The following IKZF3 variants were observed in gnomAD, a reference collection of about 807,000 sequenced individuals.
IKZF3 encodes the protein IKAROS family zinc finger 3, also known as zinc finger protein Aiolos.
IKZF3 carries 10 observed loss-of-function variants against 49.0 expected under a neutral mutation model. The observed-to-expected ratio is 0.20, with a 90% CI of 0.13 to 0.35. The LOEUF (loss-of-function observed/expected upper bound fraction) is 0.35, where lower values mean the gene tolerates loss of function less well. Among genes scored for constraint, IKZF3 ranks in the 10% least tolerant of loss-of-function variants. The pLI, the probability that IKZF3 is intolerant of heterozygous loss-of-function variation, is 1.00. For synonymous variants in IKZF3, 209 were observed against 228.2 expected (o/e 0.92, Z 0.76); for missense variants, 498 against 664.8 (o/e 0.75, Z 2.76).
chr17:39,770,998 T>A (rs181648550), intron 7 of IKZF3, among the ~76,000 whole-genome samples: 1 of 152,118 alleles, frequency 6.6e-6, no homozygotes, highest in Non-Finnish European at 1.5e-5. Context: ...TTTTAAGGTA[T>A]GAATTATCAT....
At chr17:39,861,898 GTAA>G (rs1343107597) in intron 1 of IKZF3, among the ~76,000 whole-genome samples, 2 of 152,086 alleles carry the variant, frequency 1.3e-5, no homozygotes, top group Non-Finnish European at 2.9e-5. Context: ...AGGGAGCTGT[GTAA>G]TAAATATACT....
chr17:39,782,975 T>A lies in IKZF3; in HGVS notation c.710-5208A>T, dbSNP rs144884373. ...TTAGGTTACTACTACCTTTATTCCC[T>A]GTATAAGTCTTAATATTTGGTTTTA... On this transcript the variant is annotated intron_variant, in intron 6 of 7. Coordinates refer to ENST00000346872, the MANE Select transcript of IKZF3 (RefSeq NM_012481.5). 3.4e-3 allele frequency among the ~76,000 whole-genome samples: 515 copies of A among 152,352 alleles called. 3 individuals are homozygous for A. The highest frequency in any genetic ancestry group is 0.012 in the African/African-American group (500 of 41,580).
chr17:39,849,275 A>C (rs565046103), intron 1 of IKZF3, among the ~76,000 whole-genome samples: 3 of 150,128 alleles, frequency 2.0e-5, no homozygotes, highest in African/African-American at 7.4e-5. Context: ...CTCTACTAAA[A>C]CAATACAAAA....
chr17:39,855,398 A>C (rs1203197864), intron 1 of IKZF3, among the ~76,000 whole-genome samples: 1 of 152,214 alleles, frequency 6.6e-6, no homozygotes. Flanking sequence ...AATTCCTAAT[A>C]TCAACTTGTT....
At chr17:39,782,786 C>A (rs2060777465) in intron 6 of IKZF3, among the ~76,000 whole-genome samples, 2 of 152,182 alleles carry the variant, frequency 1.3e-5, no homozygotes, top group South Asian at 4.1e-4. Flanking sequence ...TTTGCACATT[C>A]AGCTCATGAG....
chr17:39,774,422 AGAGGTGAGGT>A (rs1396028902), intron 7 of IKZF3, among the ~76,000 whole-genome samples: 3 of 151,978 alleles, frequency 2.0e-5, no homozygotes, highest in Non-Finnish European at 2.9e-5. Context: ...ACAAGAGAGG[AGAGGTGAGGT>A]GAGGCGAGGC....
chr17:39,826,153 C>A (rs982882419), intron 3 of IKZF3, among the ~76,000 whole-genome samples: 11 of 152,202 alleles, frequency 7.2e-5, no homozygotes, highest in Non-Finnish European at 1.3e-4. Flanking sequence ...AACGATCCTA[C>A]CACCTCAGTC....
intron 7 of IKZF3, among the ~76,000 whole-genome samples, chr17:39,767,692 T>A (rs1159076095): frequency 6.6e-6 from 1 of 152,164 alleles, no homozygotes; most frequent in African/African-American, 2.4e-5. Context: ...GAAGAACCAG[T>A]TCCTGTTCTT....
chr17:39,847,287 T>A (rs1225400227), intron 1 of IKZF3, among the ~76,000 whole-genome samples: 1 of 152,096 alleles, frequency 6.6e-6, no homozygotes, highest in Non-Finnish European at 1.5e-5. Context: ...ATGATCCCTA[T>A]AACCGATGAA....
chr17:39,802,547 C>T (rs1252227235), intron 3 of IKZF3, among the ~76,000 whole-genome samples: 2 of 149,706 alleles, frequency 1.3e-5, no homozygotes, highest in Admixed American at 6.7e-5. Context: ...GTCAAGGCTG[C>T]AGTGAGCTGT....
At chr17:39,828,830 T>C (rs1432951824) in intron 3 of IKZF3, among the ~76,000 whole-genome samples, 2 of 151,976 alleles carry the variant, frequency 1.3e-5, no homozygotes, top group Non-Finnish European at 2.9e-5. Context: ...AAACTCCGTC[T>C]CTATTAAAAA....
At chr17:39,834,538 G>A (rs150007818) in intron 1 of IKZF3, among the ~76,000 whole-genome samples, 67 of 152,194 alleles carry the variant, frequency 4.4e-4, no homozygotes, top group African/African-American at 1.5e-3. Flanking sequence ...GGGGGAATTC[G>A]GGAATTCTTT....
intron 2 of IKZF3, among the ~76,000 whole-genome samples, chr17:39,830,516 A>C (rs1349015438): frequency 1.3e-5 from 2 of 152,240 alleles, no homozygotes; most frequent in African/African-American, 4.8e-5. Flanking sequence ...ATGCTTAAAC[A>C]AACAGCAAAC....
intron 3 of IKZF3, among the ~76,000 whole-genome samples, chr17:39,812,775 G>A (rs116794569): frequency 3.3e-5 from 5 of 152,282 alleles, no homozygotes; most frequent in African/African-American, 1.2e-4. Context: ...GCTGGAAGGA[G>A]GCACCAACAC....
chr17:39,855,997 T>C lies in IKZF3; in HGVS notation c.7+8123A>G, dbSNP rs149817330. ...TGTACAATATAACATGTATATTGTA[T>C]ATGTACAATATAACATGTATATTGT... On this transcript the variant is annotated intron_variant, in intron 1 of 7. Coordinates refer to ENST00000346872, the MANE Select transcript of IKZF3 (RefSeq NM_012481.5). 1.9e-3 allele frequency among the ~76,000 whole-genome samples: 285 copies of C among 150,450 alleles called. 2 individuals carry two copies. The highest frequency in any genetic ancestry group is 5.9e-3 in the African/African-American group (240 of 40,588).
At chr17:39,827,217 G>A (rs540998776) in intron 3 of IKZF3, among the ~76,000 whole-genome samples, 1 of 151,944 alleles carries the variant, frequency 6.6e-6, no homozygotes, top group East Asian at 1.9e-4. Flanking sequence ...GGCTGGTCTC[G>A]AACTCCCAAC....
At chr17:39,783,422 A>G (rs1412195062) in intron 6 of IKZF3, among the ~76,000 whole-genome samples, 6 of 152,122 alleles carry the variant, frequency 3.9e-5, no homozygotes, top group Non-Finnish European at 8.8e-5. Context: ...CCCGGGTTCA[A>G]GCAATTCTCC....
rs142110206 is a variant in IKZF3, at chr17:39,852,761, G to A, written c.7+11359C>T. Among the ~76,000 whole-genome samples, 518 of 152,238 alleles carry A rather than the reference G, an allele frequency of 3.4e-3. 10 individuals carry two copies. Among genetic ancestry groups the A allele is most frequent in the East Asian group, 0.034 (176 of 5,180 alleles). ...CCGGGGCGGACAGATCAAGAGGTCA[G>A]GAGTTCGAGACCAGCCTGACCAACA... is the stretch of plus-strand genomic sequence containing the variant. On this transcript the variant is annotated intron_variant, in intron 1 of 7. Transcript: ENST00000346872.
At chr17:39,863,474 G>GT (rs2063271260) in intron 1 of IKZF3, among the ~76,000 whole-genome samples, 1 of 152,122 alleles carries the variant, frequency 6.6e-6, no homozygotes, top group Non-Finnish European at 1.5e-5. Flanking sequence ...TTGTTGAAAA[G>GT]ACCATTGAAG....
Sources: gnomAD v4.1 joint callset for allele counts (sites outside exome capture counted in the v4.1 genomes callset) on GRCh38, gnomAD v4.1.1 for gene constraint, MANE v1.5 for transcripts, NCBI Gene and HGNC (gene_info 2026-07-23, HGNC 2026-07-21) for gene names.